AGBL3: variants seen among roughly 807,000 people sequenced by gnomAD.
AGBL3 encodes cytosolic carboxypeptidase 3.
In AGBL3, 68 loss-of-function variants were observed where a neutral mutation model predicts 94.5. The observed-to-expected ratio is 0.72, with a 90% CI of 0.59 to 0.88. The LOEUF (loss-of-function observed/expected upper bound fraction) is 0.88, where lower values mean the gene tolerates loss of function less well. Ranked by LOEUF, AGBL3 falls within the 40% of genes least tolerant of loss-of-function variation. The pLI, the probability that AGBL3 is intolerant of heterozygous loss-of-function variation, is 0.00. For missense variants in AGBL3, 934 were observed against 1,103.8 expected (o/e 0.85, Z 2.18); for synonymous variants, 354 against 370.7 (o/e 0.95, Z 0.52).
chr7:135,024,291 A>G (rs531155284), intron 5 of AGBL3, among the ~76,000 whole-genome samples: 4 of 152,298 alleles, frequency 2.6e-5, no homozygotes, highest in African/African-American at 9.6e-5. Context: ...GTGCTGCAAT[A>G]CAAAAGAGCC....
chr7:134,989,265 A>G lies in AGBL3; in HGVS notation c.79A>G (p.Met27Val). The G allele has an allele frequency of 6.5e-7, 1 of 1,546,832 alleles. No homozygotes were observed. The change falls in exon 3 of 17, where the codon ATG becomes GTG. Residue 27 changes from methionine to valine, a missense_variant. Physicochemically the swap from Met to Val is conservative, Grantham distance 21. This residue lies in a region of AGBL3 where 488 missense variants were observed against 563.6 expected (regional missense o/e 0.87). Transcript: ENST00000436302. ...CTTATTTTAGGATGAGGATATGTTC[A>G]TGAAATTTGTAAGTGAAGATCTTCA... ...DEDESDEDMF[M>V]KFVSEDLHRC...
At chr7:135,114,843 CAG>C (rs990325559) in intron 15 of AGBL3, among the ~76,000 whole-genome samples, 1 of 152,174 alleles carries the variant, frequency 6.6e-6, no homozygotes, top group Non-Finnish European at 1.5e-5. Flanking sequence ...CAATGCCTTC[CAG>C]TGATTTTCCA....
rs367914605 is a variant in AGBL3, at chr7:135,096,590, T to A, written c.2110+14800T>A. Among the ~76,000 whole-genome samples the A allele has an allele frequency of 6.5e-3, 703 of 107,514 alleles. 18 individuals carry two copies. Among genetic ancestry groups the A allele is most frequent in the South Asian group, 0.011 (24 of 2,198 alleles). 70.5% of individuals were successfully genotyped at this position (107,514 alleles called of 152,430 possible). A position where few individuals can be genotyped will look rare whatever the true frequency, so the allele number is the denominator to read the frequency against. The stretch of plus-strand genomic sequence containing the variant: ...ATAGATAGATAGATAGATACATAGA[T>A]AGATAGATAGATAGATAGATAGATA... On this transcript the variant is annotated intron_variant, in intron 15 of 16. Coordinates refer to ENST00000436302, the MANE Select transcript of AGBL3 (RefSeq NM_178563.4).
At chr7:135,065,701 A>G (rs7810232) in intron 12 of AGBL3, among the ~76,000 whole-genome samples, 144,878 of 152,250 alleles carry the variant, frequency 0.95, 69,292 homozygotes, top group Non-Finnish European at 1. Context: ...AGACCAGCCT[A>G]GGCAACAGAG....
intron 16 of AGBL3, among the ~76,000 whole-genome samples, chr7:135,123,277 G>A (rs1253462659): frequency 1.3e-5 from 2 of 152,124 alleles, no homozygotes; most frequent in Non-Finnish European, 2.9e-5. Context: ...AATCGACCAC[G>A]CAGAAGAAAG....
At chr7:135,117,099 C>A (rs62479722) in intron 16 of AGBL3, among the ~76,000 whole-genome samples, 4,139 of 152,212 alleles carry the variant, frequency 0.027, 86 homozygotes, top group Middle Eastern at 0.068. Flanking sequence ...ATTTTTAGTG[C>A]AAAGAATAGG....
At chr7:135,071,388 C>A (rs1819892452) in intron 12 of AGBL3, among the ~76,000 whole-genome samples, 1 of 152,110 alleles carries the variant, frequency 6.6e-6, no homozygotes, top group Non-Finnish European at 1.5e-5. Flanking sequence ...CAATGACTTT[C>A]TTCACAGAAT....
At chr7:135,127,220 G>A (rs549389889) in intron 16 of AGBL3, among the ~76,000 whole-genome samples, 23 of 152,240 alleles carry the variant, frequency 1.5e-4, no homozygotes, top group African/African-American at 4.6e-4. Context: ...ATATGAAGAC[G>A]CTTCTCAAAA....
chr7:135,112,778 ATTTTTATT>A, intron 15 of AGBL3, among the ~76,000 whole-genome samples: 1 of 152,234 alleles, frequency 6.6e-6, no homozygotes, highest in South Asian at 2.1e-4. Flanking sequence ...CTGAATGTTT[ATTTTTATT>A]TTTTTGAGAT....
chr7:135,126,496 T>C (rs1827887550), intron 16 of AGBL3, among the ~76,000 whole-genome samples: 1 of 152,192 alleles, frequency 6.6e-6, no homozygotes, highest in Admixed American at 6.5e-5. Context: ...ACTTTTCCCA[T>C]CAAACTACCA....
intron 4 of AGBL3, chr7:134,995,649 G>A (rs4236647): frequency 0.93 from 141,864 of 152,258 alleles, 66,880 homozygotes; most frequent in East Asian, 1. Flanking sequence ...CTTACATAAT[G>A]AATAGACTTT....
chr7:135,064,054 T>C (rs750149678), intron 12 of AGBL3, among the ~76,000 whole-genome samples: 4 of 152,202 alleles, frequency 2.6e-5, no homozygotes, highest in South Asian at 2.1e-4. Context: ...AGACAAACCA[T>C]GCAAATCTAT....
Position 135,133,067 on chromosome 7 carries a change from G to GCACACACA in AGBL3, c.2343-1749_2343-1742dup, listed in dbSNP as rs55861736. ...CCAAAACACACACGCACGCATGCGT[G>GCACACACA]CACACACACACACACACACACACAC... On this transcript the variant is annotated intron_variant, in intron 16 of 16. Coordinates refer to ENST00000436302, the MANE Select transcript of AGBL3 (RefSeq NM_178563.4). Among the ~76,000 whole-genome samples the GCACACACA allele has an allele frequency of 6.1e-4, 92 of 150,434 alleles. 1 individual carries two copies. Among genetic ancestry groups the GCACACACA allele is most frequent in the African/African-American group, 1.7e-3 (68 of 40,980 alleles).
At chr7:135,014,618 A>T (rs1813555270) in intron 4 of AGBL3, among the ~76,000 whole-genome samples, 1 of 152,228 alleles carries the variant, frequency 6.6e-6, no homozygotes, top group African/African-American at 2.4e-5. Flanking sequence ...TCTTTTGCAT[A>T]GAAGTTTATT....
chr7:135,094,690 G>A (rs1408075751), intron 15 of AGBL3: 1 of 359,028 alleles, frequency 2.8e-6, no homozygotes, highest in African/African-American at 2.1e-5. Flanking sequence ...AAAATCAATA[G>A]GTTAGAGACA....
chr7:135,101,069 A>T, intron 15 of AGBL3: 1 of 398,480 alleles, frequency 2.5e-6, no homozygotes, highest in Middle Eastern at 3.6e-4. Flanking sequence ...AGAGGACCCA[A>T]TTTTTTTCAT....
intron 3 of AGBL3, among the ~76,000 whole-genome samples, chr7:134,991,782 CATTT>C (rs755914272): frequency 2.4e-4 from 36 of 150,956 alleles, no homozygotes; most frequent in Non-Finnish European, 3.5e-4. Context: ...TGGAATCAAA[CATTT>C]ATAATAAAAA....
chr7:135,070,967 C>T (rs1819851921), intron 12 of AGBL3, among the ~76,000 whole-genome samples: 1 of 151,944 alleles, frequency 6.6e-6, no homozygotes, highest in African/African-American at 2.4e-5. Context: ...GATTGTATAT[C>T]TAGAAAACCC....
chr7:135,111,925 C>T (rs1006654550), intron 15 of AGBL3, among the ~76,000 whole-genome samples: 21 of 152,128 alleles, frequency 1.4e-4, no homozygotes, highest in Non-Finnish European at 4.4e-5. Flanking sequence ...TACTGGATAT[C>T]GCCATCTGTT....
Sources: allele counts gnomAD v4.1 joint callset (sites outside exome capture counted in the v4.1 genomes callset), GRCh38; gene constraint gnomAD v4.1.1; regional missense constraint gnomAD v4.1.1; transcripts MANE v1.5; gene names NCBI Gene and HGNC (gene_info 2026-07-23, HGNC 2026-07-21).